OTOF: variants seen among roughly 807,000 people sequenced by gnomAD.
OTOF encodes the protein otoferlin, also known as fer-1-like family member 2.
OTOF carries 218 observed loss-of-function variants against 236.8 expected under a neutral mutation model. The ratio of observed to expected loss-of-function variants is 0.92; its 90% CI spans 0.82 to 1.03. The LOEUF is 1.03. OTOF is among the 50% of genes least tolerant of loss of function. The pLI, the probability that OTOF is intolerant of heterozygous loss-of-function variation, is 0.00. For synonymous variants in OTOF, 1,041 were observed against 1,072.5 expected (o/e 0.97, Z 0.57); for missense variants, 2,590 against 2,694.4 (o/e 0.96, Z 0.86).
intron 2 of OTOF, among the ~76,000 whole-genome samples, chr2:26,529,154 G>A (rs544442105): frequency 6.6e-6 from 1 of 152,308 alleles, no homozygotes; most frequent in East Asian, 1.9e-4. Context: ...AGGATGGCCA[G>A]GGGTGAACAG....
chr2:26,500,743 T>C (rs1339300258), intron 8 of OTOF, among the ~76,000 whole-genome samples: 1 of 152,200 alleles, frequency 6.6e-6, no homozygotes, highest in Non-Finnish European at 1.5e-5. Flanking sequence ...CATGGCCAGA[T>C]GTACCTTTTA....
chr2:26,460,869 C>G lies in OTOF; in HGVS notation c.5695G>C (p.Asp1899His), dbSNP rs137986959. ...WWPLLARNEN[D>H]EFELTGKVEA... ...GTGCGCACCGTGAGCTCAAACTCAT[C>G]GTTCTCATTGCGGGCCAGGAGGGGC... Residue 1899 changes from aspartate (D) to histidine (H), a missense_variant, in exon 44 of 47, where the codon GAT (aspartate) becomes CAT (histidine). Physicochemically the swap from Asp to His is moderately conservative, Grantham distance 81. Around this residue, in one of 2 missense-constraint regions of OTOF, gnomAD observed 1,211 missense variants for 1,352.8 expected, o/e 0.90. Coordinates refer to ENST00000272371, the MANE Select transcript of OTOF (RefSeq NM_194248.3). The surrounding 1 kb of genome is among the most constrained non-coding windows in gnomAD (Gnocchi z 5.3). 3.7e-6 allele frequency: 6 copies of G among 1,614,178 alleles called. No individual in the cohort carries two copies. The highest frequency in any genetic ancestry group is 5.1e-6 in the Non-Finnish European group (6 of 1,180,010).
intron 11 of OTOF, among the ~76,000 whole-genome samples, chr2:26,485,535 C>T (rs968187147): frequency 5.9e-5 from 9 of 152,188 alleles, no homozygotes; most frequent in Non-Finnish European, 1.0e-4. Flanking sequence ...GGGAAGGAGG[C>T]GCTTTAGGAA....
At chr2:26,485,385 G>A (rs2148062452) in intron 11 of OTOF, among the ~76,000 whole-genome samples, 1 of 152,260 alleles carries the variant, frequency 6.6e-6, no homozygotes. Flanking sequence ...TGCTCTCCAT[G>A]CACACCTCCC....
Position 26,490,605 on chromosome 2 carries a change from C to T in OTOF, c.898-865G>A, listed in dbSNP as rs140062936. On this transcript the variant is annotated intron_variant, in intron 9 of 46. Transcript: ENST00000272371. The stretch of plus-strand genomic sequence containing the variant: ...GCTTGGGGTAAATGTCCGAAGAGAA[C>T]GTGCTCCTGGCTGCTGGGGGCTGGC... 4.3e-3 allele frequency among the ~76,000 whole-genome samples: 655 copies of T among 152,282 alleles called. 2 individuals are homozygous for T. Among genetic ancestry groups the T allele is most frequent in the Non-Finnish European group, 7.5e-3 (512 of 68,020 alleles).
chr2:26,473,158 C>T lies in OTOF; in HGVS notation c.3707G>A (p.Arg1236His), dbSNP rs368633281. ...LRRFIYRPPD[R>H]SAPSWNTTVR... ...CGTGGTGTTCCAGCTGGGGGCCGAGCGGTCTGGGGGCCGGTAGATGAAGCG... is the reference window on the plus strand; with the variant it reads ...CGTGGTGTTCCAGCTGGGGGCCGAGTGGTCTGGGGGCCGGTAGATGAAGCG... The change falls in exon 29 of 47, where the codon CGC becomes CAC. Residue 1236 changes from arginine to histidine, a missense_variant. By Grantham distance (29) the Arg-to-His change is conservative. Transcript: ENST00000272371. The surrounding 1 kb of genome is among the most constrained non-coding windows in gnomAD (Gnocchi z 7.2). 3.3e-5 allele frequency: 54 copies of T among 1,612,626 alleles called. No individual in the cohort carries two copies. Among genetic ancestry groups the T allele is most frequent in the Admixed American group, 1.7e-4 (10 of 60,014 alleles).
At chr2:26,539,695 A>G (rs1000292907) in intron 1 of OTOF, among the ~76,000 whole-genome samples, 8 of 152,188 alleles carry the variant, frequency 5.3e-5, no homozygotes, top group Non-Finnish European at 7.3e-5. Context: ...AGATTGCGCC[A>G]TTGCACTCCA....
chr2:26,464,617 T>C (rs1004858373), intron 39 of OTOF, among the ~76,000 whole-genome samples: 2 of 152,154 alleles, frequency 1.3e-5, no homozygotes, highest in Admixed American at 1.3e-4. Context: ...GGGATGCAGA[T>C]AGCCTCTCTA....
intron 5 of OTOF, among the ~76,000 whole-genome samples, chr2:26,509,756 C>A (rs1666337403): frequency 6.6e-6 from 1 of 152,320 alleles, no homozygotes; most frequent in East Asian, 1.9e-4. Flanking sequence ...ACACTCCTGG[C>A]TTTTCAGCTC....
chr2:26,464,800 T>C (rs531029211), intron 39 of OTOF, 69 bp downstream of exon 39: 4 of 1,465,904 alleles, frequency 2.7e-6, no homozygotes, highest in Admixed American at 1.9e-5. Flanking sequence ...CCCAGGGAAG[T>C]GTGGGCCCCT....
chr2:26,508,581 C>A (rs1484426174), intron 5 of OTOF, among the ~76,000 whole-genome samples: 1 of 152,204 alleles, frequency 6.6e-6, no homozygotes. Context: ...GGCGGCCCAG[C>A]CCTTTGCAAG....
chr2:26,518,132 C>T (rs1238673973), intron 4 of OTOF, among the ~76,000 whole-genome samples: 1 of 152,200 alleles, frequency 6.6e-6, no homozygotes, highest in Non-Finnish European at 1.5e-5. Flanking sequence ...CTCTTGGCCA[C>T]TACATAGGGC....
intron 2 of OTOF, among the ~76,000 whole-genome samples, chr2:26,534,308 T>G (rs1171872862): frequency 6.6e-6 from 1 of 152,184 alleles, no homozygotes. Context: ...AGGGCCTGTG[T>G]TAGAGCCAAA....
intron 39 of OTOF, 97 bp from the exon 40 acceptor site, chr2:26,464,203 C>A: frequency 6.9e-7 from 1 of 1,441,918 alleles, no homozygotes. Flanking sequence ...AGCCTCTATG[C>A]CATCACCTGT....
intron 1 of OTOF, among the ~76,000 whole-genome samples, chr2:26,555,366 T>C (rs547776534): frequency 3.3e-5 from 5 of 152,344 alleles, no homozygotes; most frequent in African/African-American, 9.6e-5. Context: ...CCAATGGGAT[T>C]GTGACTCCTG....
rs397515610 is a variant in OTOF, at chr2:26,502,301, G to T, written c.709C>A (p.Arg237=). The T allele has an allele frequency of 1.9e-6, 3 of 1,613,970 alleles. No individual in the cohort carries two copies. The highest frequency in any genetic ancestry group is 1.3e-5 in the African/African-American group (1 of 75,048). The part of the protein sequence containing the change: ...TALTTNVSNK[R]SKPDIKMEPS... ...GTTGCAGGGCTCCCGTCCACTCACC[G>T]CTTGTTGGAGACATTAGTGGTGAGA... The change falls in exon 7 of 47, where the codon CGA becomes AGA. Residue 237 remains arginine, a splice_region_variant and synonymous_variant. Coordinates refer to ENST00000272371, the MANE Select transcript of OTOF (RefSeq NM_194248.3).
intron 1 of OTOF, among the ~76,000 whole-genome samples, chr2:26,553,721 C>T (rs1052524437): frequency 7.9e-5 from 12 of 152,172 alleles, no homozygotes; most frequent in African/African-American, 2.7e-4. Flanking sequence ...TAAAAACTCC[C>T]GCCTCCCTTC....
At position 26,483,623 on chromosome 2, in the gene OTOF, G is replaced by C; in HGVS notation, c.1231C>G (p.Pro411Ala). The C allele has an allele frequency of 6.2e-7, 1 of 1,612,674 alleles. No homozygotes were observed. Among genetic ancestry groups the C allele is most frequent in the Non-Finnish European group, 8.5e-7 (1 of 1,179,922 alleles). Residue 411 changes from proline (P) to alanine (A), a missense_variant, in exon 13 of 47, where the codon CCC becomes GCC. By Grantham distance (27) the Pro-to-Ala change is conservative (BLOSUM62 -1). Transcript: ENST00000272371. ...AACCGGGCCCACTGGCGTTCGGGGGGCACCCCCTCGGGGAGCAGCAAGTTC... is the reference window on the plus strand; with the variant it reads ...AACCGGGCCCACTGGCGTTCGGGGGCCACCCCCTCGGGGAGCAGCAAGTTC... ...EGNLLLPEGV[P>A]PERQWARFYV...
chr2:26,486,024 GT>G (rs1193830727), intron 11 of OTOF, among the ~76,000 whole-genome samples: 2 of 152,218 alleles, frequency 1.3e-5, no homozygotes, highest in African/African-American at 4.8e-5. Context: ...CAATGAATGG[GT>G]GCATAAATGG....
Sources: allele counts gnomAD v4.1 joint callset (sites outside exome capture counted in the v4.1 genomes callset), GRCh38; gene constraint gnomAD v4.1.1; regional missense constraint gnomAD v4.1.1; non-coding constraint Gnocchi (gnomAD v3.1); transcripts MANE v1.5; gene names NCBI Gene and HGNC (gene_info 2026-07-23, HGNC 2026-07-21).